FGF14: variants seen among roughly 807,000 people sequenced by gnomAD.
The protein encoded by FGF14 is fibroblast growth factor homologous factor 4.
A neutral mutation model predicts 25.5 loss-of-function variants in FGF14; 5 were observed. That is an observed-to-expected ratio of 0.20 (90% CI 0.10 to 0.41). The LOEUF (loss-of-function observed/expected upper bound fraction) is 0.41. Among genes scored for constraint, FGF14 ranks in the 10% least tolerant of loss-of-function variants. FGF14 has a pLI of 1.00. For missense variants in FGF14, 222 were observed against 320.1 expected (o/e 0.69, Z 2.34); for synonymous variants, 138 against 118.3 (o/e 1.17, Z -1.08).
At chr13:101,770,013 TG>T (rs770729190) in intron 3 of FGF14, among the ~76,000 whole-genome samples, 7 of 152,134 alleles carry the variant, frequency 4.6e-5, no homozygotes, top group African/African-American at 7.2e-5. Context: ...TGCACCACTC[TG>T]GTGGGGGATG....
intron 3 of FGF14, among the ~76,000 whole-genome samples, chr13:101,761,591 A>G (rs1297617033): frequency 6.6e-6 from 1 of 151,408 alleles, no homozygotes; most frequent in Admixed American, 6.6e-5. Flanking sequence ...ATAGTTAACA[A>G]TAATATATAG....
chr13:101,767,722 C>T (rs1413690189), intron 3 of FGF14, among the ~76,000 whole-genome samples: 2 of 151,974 alleles, frequency 1.3e-5, no homozygotes, highest in Non-Finnish European at 2.9e-5. Context: ...GGCAGAGAAG[C>T]GGGTAAGAAT....
chr13:102,281,874 G>A (rs1396284912), intron 1 of FGF14, among the ~76,000 whole-genome samples: 1 of 151,850 alleles, frequency 6.6e-6, no homozygotes, highest in Non-Finnish European at 1.5e-5. Context: ...AAACAGTGGT[G>A]GCAACAAGGG....
chr13:101,806,483 T>G (rs1445614530), intron 3 of FGF14, among the ~76,000 whole-genome samples: 3 of 151,974 alleles, frequency 2.0e-5, no homozygotes, highest in East Asian at 3.9e-4. Flanking sequence ...AATTTTTTTT[T>G]TTGTTTTCAT....
At chr13:102,265,160 C>T (rs759115621) in intron 1 of FGF14, among the ~76,000 whole-genome samples, 5 of 152,104 alleles carry the variant, frequency 3.3e-5, no homozygotes, top group African/African-American at 4.8e-5. Context: ...TTCTCATCCT[C>T]CATCAAAACT....
chr13:102,363,567 TA>T (rs1875184763), intron 1 of FGF14, among the ~76,000 whole-genome samples: 1 of 152,218 alleles, frequency 6.6e-6, no homozygotes, highest in African/African-American at 2.4e-5. Context: ...TGCATTCCGT[TA>T]GAAAAGGCTC....
At chr13:102,355,972 C>G (rs2139007973) in intron 1 of FGF14, among the ~76,000 whole-genome samples, 1 of 152,244 alleles carries the variant, frequency 6.6e-6, no homozygotes, top group Admixed American at 6.5e-5. Context: ...GAGAGAATAG[C>G]AGTTGAGTTA....
intron 1 of FGF14, among the ~76,000 whole-genome samples, chr13:102,004,838 AC>A (rs1439648244): frequency 6.6e-6 from 1 of 151,872 alleles, no homozygotes; most frequent in Non-Finnish European, 1.5e-5. Flanking sequence ...ATGGGGCTTT[AC>A]CCCCTTTGCT....
chr13:102,258,706 G>A (rs910720126), intron 1 of FGF14, among the ~76,000 whole-genome samples: 2 of 152,286 alleles, frequency 1.3e-5, no homozygotes, highest in Middle Eastern at 3.4e-3. Context: ...GTTGTGCTGT[G>A]GGTAATGTCA....
intron 3 of FGF14, among the ~76,000 whole-genome samples, chr13:101,817,355 A>T (rs1365999216): frequency 6.6e-6 from 1 of 152,184 alleles, no homozygotes; most frequent in Non-Finnish European, 1.5e-5. Flanking sequence ...GAAACAGCAT[A>T]AAATAAAACC....
intron 1 of FGF14, among the ~76,000 whole-genome samples, chr13:102,173,485 C>A (rs76265646): frequency 0.052 from 7,846 of 152,204 alleles, 245 homozygotes; most frequent in Middle Eastern, 0.17. Context: ...GAGTATTAAT[C>A]CAGAGGTACT....
At chr13:102,271,887 T>C (rs1215425822) in intron 1 of FGF14, among the ~76,000 whole-genome samples, 1 of 152,202 alleles carries the variant, frequency 6.6e-6, no homozygotes, top group African/African-American at 2.4e-5. Flanking sequence ...GCCACGTTGG[T>C]AGCCTCCTAA....
At chr13:101,953,601 T>A (rs929765405) in intron 1 of FGF14, among the ~76,000 whole-genome samples, 123 of 141,942 alleles carry the variant, frequency 8.7e-4, no homozygotes, top group South Asian at 8.2e-3. Context: ...TTTTATTTTT[T>A]TTTTTTGAGA....
chr13:102,215,477 A>G lies in FGF14; in HGVS notation c.208+185994T>C, dbSNP rs1462205794. 2.0e-5 allele frequency among the ~76,000 whole-genome samples: 3 copies of G among 152,230 alleles called. No homozygotes were observed. The East Asian group carries it at 5.8e-4, about 29-fold the overall frequency. ...TATGTTTCAGGCAAATTGGCTCAGA[A>G]CTCAGAAAAGGTAAAAAGAACTCTC... On this transcript the variant is annotated intron_variant, in intron 1 of 4. Transcript: ENST00000376131.
At position 101,965,156 on chromosome 13, in the gene FGF14, T is replaced by C. The variant is rs146565206; in HGVS notation, c.209-89860A>G. Reference sequence around the variant, plus strand: ...CCCAGCTACTCGAGGGGCTGAGGCATGAGAATTGCTTGAATCCAGCAGGCA... The same window carrying C: ...CCCAGCTACTCGAGGGGCTGAGGCACGAGAATTGCTTGAATCCAGCAGGCA... On this transcript the variant is annotated intron_variant, in intron 1 of 4. Coordinates refer to the FGF14 transcript ENST00000376131. Among the ~76,000 whole-genome samples the C allele has an allele frequency of 2.1e-3, 318 of 151,094 alleles. 1 individual carries two copies. Among genetic ancestry groups the C allele is most frequent in the African/African-American group, 7.5e-3 (309 of 41,068 alleles).
chr13:102,166,873 T>C (rs9518645), intron 1 of FGF14, among the ~76,000 whole-genome samples: 31,278 of 151,986 alleles, frequency 0.21, 3,392 homozygotes, highest in Admixed American at 0.25. Flanking sequence ...GAAACAGAGG[T>C]TCAGTATTTG....
At chr13:102,110,206 T>TA in intron 1 of FGF14, among the ~76,000 whole-genome samples, 1 of 152,304 alleles carries the variant, frequency 6.6e-6, no homozygotes, top group African/African-American at 2.4e-5. Context: ...AGATTTGTTA[T>TA]AAAAAATGAC....
chr13:102,238,681 T>C (rs1036319096), intron 1 of FGF14, among the ~76,000 whole-genome samples: 2 of 152,258 alleles, frequency 1.3e-5, no homozygotes, highest in African/African-American at 2.4e-5. Context: ...GACAGTGATA[T>C]GGCAGACAGC....
At chr13:102,386,534 G>C (rs896356756) in intron 1 of FGF14, among the ~76,000 whole-genome samples, 1 of 152,122 alleles carries the variant, frequency 6.6e-6, no homozygotes, top group African/African-American at 2.4e-5. Flanking sequence ...ACACTAAAAG[G>C]AAAAAGCATA....
Sources: allele counts gnomAD v4.1 joint callset (sites outside exome capture counted in the v4.1 genomes callset), GRCh38; gene constraint gnomAD v4.1.1; transcripts MANE v1.5; gene names NCBI Gene and HGNC (gene_info 2026-07-23, HGNC 2026-07-21).